LGR5: variants seen among roughly 807,000 people sequenced by gnomAD.
The protein encoded by LGR5 is leucine-rich repeat-containing G protein-coupled receptor 5.
LGR5 carries 54 observed loss-of-function variants against 76.7 expected under a neutral mutation model. The ratio of observed to expected loss-of-function variants is 0.70; its 90% confidence interval spans 0.57 to 0.88. The LOEUF (loss-of-function observed/expected upper bound fraction) is 0.88. Ranked by LOEUF, LGR5 falls within the 40% of genes least tolerant of loss-of-function variation. LGR5 has a pLI of 0.00. For synonymous variants in LGR5, 406 were observed against 421.9 expected (o/e 0.96, Z 0.46); for missense variants, 1,078 against 1,073.3 (o/e 1.00, Z -0.06).
intron 4 of LGR5, among the ~76,000 whole-genome samples, chr12:71,548,498 C>A (rs1877312150): frequency 6.6e-6 from 1 of 152,110 alleles, no homozygotes; most frequent in Admixed American, 6.6e-5. Flanking sequence ...TCATTTTGGC[C>A]ACTTTTGCTT....
chr12:71,481,863 C>A (rs1174987908), intron 1 of LGR5, among the ~76,000 whole-genome samples: 2 of 151,966 alleles, frequency 1.3e-5, no homozygotes, highest in Non-Finnish European at 2.9e-5. Context: ...ATTATGGAAC[C>A]ATTAGGTGCA....
rs974865335 is a variant in LGR5, at chr12:71,501,069, G to A, written c.213-3545G>A. Among the ~76,000 whole-genome samples, 4 of 151,920 alleles carry A rather than the reference G, an allele frequency of 2.6e-5. No homozygotes were observed. The South Asian group carries it at 8.3e-4, about 32-fold the overall frequency. On this transcript the variant is annotated intron_variant, in intron 1 of 17. Transcript: ENST00000266674. ...TTGATTTTTAGGAAACTGAATTATG[G>A]GCAAGATATGTTTTAAAAAAACAGA...
intron 3 of LGR5, among the ~76,000 whole-genome samples, chr12:71,527,934 C>T (rs1161748073): frequency 6.6e-6 from 1 of 152,198 alleles, no homozygotes; most frequent in Non-Finnish European, 1.5e-5. Context: ...AAAGAATTCT[C>T]CCTTATTCTG....
chr12:71,581,788 G>A (rs1369448360), intron 16 of LGR5, among the ~76,000 whole-genome samples: 1 of 152,140 alleles, frequency 6.6e-6, no homozygotes, highest in Non-Finnish European at 1.5e-5. Context: ...CAGAGAGAAG[G>A]TCATTCATGG....
At chr12:71,522,215 CAGAG>C (rs1875760163) in intron 2 of LGR5, among the ~76,000 whole-genome samples, 1 of 151,982 alleles carries the variant, frequency 6.6e-6, no homozygotes, top group African/African-American at 2.4e-5. Context: ...TGAAAACTGA[CAGAG>C]AGTTTTCGAA....
chr12:71,460,065 T>C (rs1473686682), intron 1 of LGR5, among the ~76,000 whole-genome samples: 3 of 151,802 alleles, frequency 2.0e-5, no homozygotes, highest in Admixed American at 6.6e-5. Flanking sequence ...CCACTTGGAG[T>C]TGAAAATACT....
intron 1 of LGR5, among the ~76,000 whole-genome samples, chr12:71,461,544 T>C (rs773867899): frequency 3.3e-5 from 5 of 152,184 alleles, no homozygotes; most frequent in Non-Finnish European, 4.4e-5. Context: ...AAGTGTTATA[T>C]ACATATTTTC....
chr12:71,515,185 CAG>C (rs1241249878), intron 2 of LGR5, among the ~76,000 whole-genome samples: 1 of 152,182 alleles, frequency 6.6e-6, no homozygotes, highest in Non-Finnish European at 1.5e-5. Context: ...TGATATGACT[CAG>C]ATACTTGGCT....
chr12:71,440,383 C>T lies in LGR5; in HGVS notation c.212+91C>T, dbSNP rs1471319629. 2.3e-6 allele frequency: 3 copies of T among 1,291,414 alleles called. No homozygotes were observed. The African/African-American group carries it at 4.4e-5, about 19-fold the overall frequency. The allele number at this position is 1,291,414 out of a possible 1,614,324, so 80.0% of individuals were successfully genotyped here. On this transcript the variant is annotated intron_variant, in intron 1 of 17. Transcript: ENST00000266674. The surrounding 1 kb of genome is among the most constrained non-coding windows in gnomAD (Gnocchi z 5.3). Reference sequence around the variant, plus strand: ...AGGCTGGAGGCTCCTCGGCGCCCGCCTGCTCGTGGGGGAGGGGGGCGAGTT... The same window carrying T: ...AGGCTGGAGGCTCCTCGGCGCCCGCTTGCTCGTGGGGGAGGGGGGCGAGTT...
At position 71,578,828 on chromosome 12, in the gene LGR5, G is replaced by A. The variant is rs185939465; in HGVS notation, c.1305G>A (p.Ser435=). The A allele has an allele frequency of 3.9e-5, 62 of 1,609,290 alleles. No individual in the cohort carries two copies. The East Asian group carries it at 5.6e-4, about 15-fold the overall frequency. Reference sequence around the variant, plus strand: ...GGGACCTATCGTCCAACCTCCTGTCGTCTTTTCCTATAACTGGGTTACATG... The same window carrying A: ...GGGACCTATCGTCCAACCTCCTGTCATCTTTTCCTATAACTGGGTTACATG... ...IKLDLSSNLL[S]SFPITGLHGL... The change falls in exon 15 of 18, where the codon TCG becomes TCA. Residue 435 remains serine, a synonymous_variant. Coordinates refer to ENST00000266674, the MANE Select transcript of LGR5 (RefSeq NM_003667.4).
intron 1 of LGR5, among the ~76,000 whole-genome samples, chr12:71,469,528 C>T (rs1873006231): frequency 6.6e-6 from 1 of 152,240 alleles, no homozygotes; most frequent in Non-Finnish European, 1.5e-5. Flanking sequence ...TTGCCCATTT[C>T]CCTGGGCCGC....
chr12:71,567,684 C>G (rs142220178), intron 11 of LGR5, among the ~76,000 whole-genome samples: 1 of 152,228 alleles, frequency 6.6e-6, no homozygotes, highest in African/African-American at 2.4e-5. Context: ...AGTAGATAAA[C>G]GGGAATGGCT....
Position 71,440,812 on chromosome 12 carries a change from G to GT in LGR5, c.212+526dup, listed in dbSNP as rs1565844883. Among the ~76,000 whole-genome samples, 1 of 152,124 alleles carries GT rather than the reference G, an allele frequency of 6.6e-6. No individual in the cohort carries two copies. Among genetic ancestry groups the GT allele is most frequent in the Non-Finnish European group, 1.5e-5 (1 of 68,006 alleles). On this transcript the variant is annotated intron_variant, in intron 1 of 17. Transcript: ENST00000266674. This position sits in a 1 kb window ranked among gnomAD's most constrained non-coding sequence, Gnocchi z 5.3. ...TGTGACGTGATGTAACCTTTTTGGG[G>GT]TTTTTTCCTCTTTTCCTCCCTTCCT... is the stretch of plus-strand genomic sequence containing the variant.
intron 1 of LGR5, among the ~76,000 whole-genome samples, chr12:71,501,155 C>T (rs182364932): frequency 6.6e-6 from 1 of 151,994 alleles, no homozygotes; most frequent in African/African-American, 2.4e-5. Context: ...TATTTTAAGA[C>T]CCCCTCATTT....
rs954091461 is a variant in LGR5, at chr12:71,502,904, A to G, written c.213-1710A>G. ...AACTTTCTGCAGATAAACAAGATCA[A>G]TGTTTGTTCTGAAGTGATTTGCACA... is the stretch of plus-strand genomic sequence containing the variant. On this transcript the variant is annotated intron_variant, in intron 1 of 17. Transcript: ENST00000266674. Among the ~76,000 whole-genome samples, 13 of 152,210 alleles carry G rather than the reference A, an allele frequency of 8.5e-5. No homozygotes were observed. In the East Asian group the frequency reaches 1.7e-3, roughly 20 times the overall value.
chr12:71,514,585 GA>G lies in LGR5; in HGVS notation c.285-9814del, dbSNP rs1184106968. ...TCCCTCTCAAAAAAAAAAAAAGAAAGAAAAAAAGAAACCACAGGGCCCTATG... is the reference window on the plus strand; with the variant it reads ...TCCCTCTCAAAAAAAAAAAAAGAAAGAAAAAAGAAACCACAGGGCCCTATG... On this transcript the variant is annotated intron_variant, in intron 2 of 17. Coordinates refer to ENST00000266674, the MANE Select transcript of LGR5 (RefSeq NM_003667.4). 1.2e-3 allele frequency among the ~76,000 whole-genome samples: 179 copies of G among 145,178 alleles called. 1 individual carries two copies. The highest frequency in any genetic ancestry group is 4.4e-3 in the African/African-American group (173 of 39,584).
intron 3 of LGR5, among the ~76,000 whole-genome samples, chr12:71,525,493 A>T (rs1050901979): frequency 6.6e-6 from 1 of 151,494 alleles, no homozygotes; most frequent in Admixed American, 6.6e-5. Context: ...TAAAATTCAG[A>T]GTTGTAGCAC....
intron 4 of LGR5, among the ~76,000 whole-genome samples, chr12:71,548,544 G>A (rs1328455381): frequency 6.6e-6 from 1 of 151,978 alleles, no homozygotes; most frequent in Admixed American, 6.6e-5. Context: ...TTTTCTGAAT[G>A]GTTTCAATGG....
chr12:71,558,575 C>A (rs1370310381), intron 6 of LGR5, among the ~76,000 whole-genome samples: 1 of 152,196 alleles, frequency 6.6e-6, no homozygotes, highest in Non-Finnish European at 1.5e-5. Context: ...CTACAAAAGA[C>A]ATGCATTTCC....
Sources: allele counts gnomAD v4.1 joint callset (sites outside exome capture counted in the v4.1 genomes callset), GRCh38; gene constraint gnomAD v4.1.1; non-coding constraint Gnocchi (gnomAD v3.1); transcripts MANE v1.5; gene names NCBI Gene and HGNC (gene_info 2026-07-23, HGNC 2026-07-21).